The following TOX2 variants were observed in gnomAD, a reference collection of about 807,000 sequenced individuals.
TOX2 encodes the protein TOX high mobility group box family member 2.
A neutral mutation model predicts 47.4 loss-of-function variants in TOX2; 15 were observed. The observed-to-expected ratio is 0.32, with a 90% CI of 0.21 to 0.49. The LOEUF is 0.49. TOX2 is among the 20% of genes least tolerant of loss of function. TOX2 has a pLI of 0.99. For missense variants in TOX2, 622 were observed against 673.1 expected (o/e 0.92, Z 0.84); for synonymous variants, 290 against 296.6 (o/e 0.98, Z 0.23).
At chr20:43,919,365 G>A (rs1451958583) in intron 1 of TOX2, among the ~76,000 whole-genome samples, 1 of 152,154 alleles carries the variant, frequency 6.6e-6, no homozygotes, top group Non-Finnish European at 1.5e-5. Context: ...GACTTTTGGA[G>A]AAAAATGGAA....
chr20:43,965,367 G>A (rs189867486), intron 1 of TOX2, among the ~76,000 whole-genome samples: 3 of 152,320 alleles, frequency 2.0e-5, no homozygotes, highest in Admixed American at 2.0e-4. Context: ...TTGGAGAATA[G>A]GAAGGTTTTA....
At chr20:43,999,599 G>A (rs1312621425) in intron 2 of TOX2, among the ~76,000 whole-genome samples, 1 of 152,168 alleles carries the variant, frequency 6.6e-6, no homozygotes, top group Non-Finnish European at 1.5e-5. Context: ...TAAATTGAAA[G>A]ATATCCATGT....
chr20:44,005,361 T>C (rs2070659317), intron 2 of TOX2, among the ~76,000 whole-genome samples: 1 of 152,212 alleles, frequency 6.6e-6, no homozygotes, highest in South Asian at 2.1e-4. Flanking sequence ...AGAGTCATCT[T>C]CCAGTTGACA....
intron 1 of TOX2, among the ~76,000 whole-genome samples, chr20:43,923,511 G>A (rs2069132915): frequency 6.6e-6 from 1 of 152,234 alleles, no homozygotes; most frequent in South Asian, 2.1e-4. Context: ...CTACTAGCAA[G>A]TCGATGGTGC....
chr20:44,004,896 C>T (rs903890153), intron 2 of TOX2, among the ~76,000 whole-genome samples: 1 of 152,178 alleles, frequency 6.6e-6, no homozygotes, highest in Non-Finnish European at 1.5e-5. Context: ...TAAGATTTAG[C>T]ACTGTAGGTA....
chr20:43,928,643 T>C (rs1240947605), intron 1 of TOX2, among the ~76,000 whole-genome samples: 1 of 152,230 alleles, frequency 6.6e-6, no homozygotes, highest in East Asian at 1.9e-4. Context: ...TGTCTGACGC[T>C]CTGTCAACAC....
intron 2 of TOX2, among the ~76,000 whole-genome samples, chr20:44,001,598 C>T (rs139079318): frequency 4.1e-4 from 63 of 152,286 alleles, no homozygotes; most frequent in Middle Eastern, 3.4e-3. Context: ...TCAATTGGGC[C>T]GGTTCCAGTG....
chr20:44,064,710 C>A, intron 5 of TOX2, 67 bp from the exon 6 acceptor site: 1 of 1,497,234 alleles, frequency 6.7e-7, no homozygotes, highest in Non-Finnish European at 9.3e-7. Flanking sequence ...CTTCCCACCC[C>A]AGGACCCTGC....
intron 3 of TOX2, among the ~76,000 whole-genome samples, chr20:44,016,745 T>C (rs6017245): frequency 2.6e-5 from 4 of 152,190 alleles, no homozygotes; most frequent in African/African-American, 9.7e-5. Context: ...CCCAGTGAAC[T>C]CCTATTCCTG....
intron 3 of TOX2, among the ~76,000 whole-genome samples, chr20:44,011,371 T>C (rs1008828430): frequency 6.6e-6 from 1 of 152,172 alleles, no homozygotes; most frequent in African/African-American, 2.4e-5. Context: ...CTGGTGCAGA[T>C]GGAGAGAAGG....
chr20:44,010,290 G>T (rs1276905001), intron 3 of TOX2, among the ~76,000 whole-genome samples: 2 of 152,154 alleles, frequency 1.3e-5, no homozygotes, highest in East Asian at 3.8e-4. Context: ...CCTAGGAAAT[G>T]CTTTTGTTGG....
At chr20:44,043,761 T>C (rs2071371405) in intron 3 of TOX2, among the ~76,000 whole-genome samples, 1 of 152,298 alleles carries the variant, frequency 6.6e-6, no homozygotes, top group Non-Finnish European at 1.5e-5. Flanking sequence ...CATACAAATA[T>C]AAGATGAAAG....
At chr20:43,924,161 A>G (rs2069140380) in intron 1 of TOX2, among the ~76,000 whole-genome samples, 1 of 152,168 alleles carries the variant, frequency 6.6e-6, no homozygotes, top group Non-Finnish European at 1.5e-5. Context: ...GCTGGAGAGT[A>G]CCACTGTGAC....
intron 2 of TOX2, among the ~76,000 whole-genome samples, 189 bp from the exon 3 acceptor site, chr20:44,006,358 T>G (rs891929658): frequency 5.3e-5 from 8 of 152,098 alleles, no homozygotes; most frequent in Admixed American, 1.3e-4. Flanking sequence ...AACATCTGTT[T>G]GGGGATAGGG....
At chr20:43,938,871 G>A (rs1165400313) in intron 1 of TOX2, among the ~76,000 whole-genome samples, 1 of 152,204 alleles carries the variant, frequency 6.6e-6, no homozygotes, top group East Asian at 1.9e-4. Context: ...GGGCATCTGA[G>A]GCAGCTTTGA....
At chr20:44,011,393 T>C (rs2070776231) in intron 3 of TOX2, among the ~76,000 whole-genome samples, 1 of 152,170 alleles carries the variant, frequency 6.6e-6, no homozygotes, top group Non-Finnish European at 1.5e-5. Context: ...GAAAAGCCTA[T>C]TTCTAAGACT....
intron 5 of TOX2, among the ~76,000 whole-genome samples, chr20:44,062,460 A>G (rs1053385534): frequency 6.6e-6 from 1 of 152,078 alleles, no homozygotes; most frequent in African/African-American, 2.4e-5. Flanking sequence ...GAAGACCTCT[A>G]CAAGGAAAAC....
intron 3 of TOX2, among the ~76,000 whole-genome samples, chr20:44,015,364 G>A (rs6017244): frequency 0.78 from 118,403 of 152,176 alleles, 46,566 homozygotes; most frequent in African/African-American, 0.9. Flanking sequence ...GGACCGCTCC[G>A]TTTTCTTACC....
chr20:44,011,842 C>A (rs2070782198), intron 3 of TOX2, among the ~76,000 whole-genome samples: 2 of 152,250 alleles, frequency 1.3e-5, no homozygotes, highest in South Asian at 2.1e-4. Flanking sequence ...GTCCCCTGCC[C>A]TGGCCTGTTC....
Sources: gnomAD v4.1 joint callset for allele counts (sites outside exome capture counted in the v4.1 genomes callset) on GRCh38, gnomAD v4.1.1 for gene constraint, MANE v1.5 for transcripts, NCBI Gene and HGNC (gene_info 2026-07-23, HGNC 2026-07-21) for gene names.